The following COL4A2 variants were observed in gnomAD, a reference collection of about 807,000 sequenced individuals.
The protein encoded by COL4A2 is collagen type IV alpha 2 chain, also known as collagen alpha-2(IV) chain.
COL4A2 carries 99 observed loss-of-function variants against 200.2 expected under a neutral mutation model. That is an observed-to-expected ratio of 0.49 (90% CI 0.42 to 0.58). The LOEUF is 0.58. Ranked by LOEUF, COL4A2 falls within the 20% of genes least tolerant of loss-of-function variation. COL4A2 has a pLI of 0.00. For missense variants in COL4A2, 1,950 were observed against 2,314.1 expected (o/e 0.84, Z 3.23); for synonymous variants, 897 against 900.6 (o/e 1.00, Z 0.07).
intron 4 of COL4A2, among the ~76,000 whole-genome samples, chr13:110,360,500 A>G (rs1333870746): frequency 6.6e-6 from 1 of 152,226 alleles, no homozygotes; most frequent in Non-Finnish European, 1.5e-5. Flanking sequence ...GGGATTTCTA[A>G]GGATCCCCAA....
chr13:110,489,902 A>G (rs1883230114), intron 36 of COL4A2, 117 bp downstream of exon 36: 2 of 1,070,916 alleles, frequency 1.9e-6, no homozygotes, highest in Non-Finnish European at 2.7e-6. Flanking sequence ...TTGATAGTGA[A>G]TGAGGTCTTC....
chr13:110,451,170 C>A (rs1385734978), intron 20 of COL4A2, among the ~76,000 whole-genome samples: 11 of 152,146 alleles, frequency 7.2e-5, no homozygotes, highest in Admixed American at 7.2e-4. Flanking sequence ...AATGACCTGT[C>A]TCAGGCAGCA....
intron 4 of COL4A2, among the ~76,000 whole-genome samples, chr13:110,386,781 G>T (rs955827525): frequency 6.6e-6 from 1 of 152,194 alleles, no homozygotes; most frequent in African/African-American, 2.4e-5. Context: ...AGAAGACCAT[G>T]ATGTGGGACA....
At chr13:110,408,098 G>A (rs1025358362) in intron 4 of COL4A2, among the ~76,000 whole-genome samples, 1 of 152,182 alleles carries the variant, frequency 6.6e-6, no homozygotes, top group African/African-American at 2.4e-5. Flanking sequence ...GGGGAAGAGA[G>A]CAGCAAAACT....
At chr13:110,503,802 G>C in intron 43 of COL4A2, 45 bp from the exon 44 acceptor site, 1 of 1,612,076 alleles carries the variant, frequency 6.2e-7, no homozygotes, top group Non-Finnish European at 8.5e-7. Context: ...CAAGAGAGTG[G>C]AACGACCTTG....
intron 3 of COL4A2, among the ~76,000 whole-genome samples, chr13:110,312,985 G>GA (rs2139341558): frequency 6.6e-6 from 1 of 152,296 alleles, no homozygotes; most frequent in East Asian, 1.9e-4. Context: ...GACCTGTGAG[G>GA]GTGAGCCGGG....
chr13:110,343,662 G>T lies in COL4A2; in HGVS notation c.100-13810G>T, dbSNP rs760255040. ...GATAAAGCTGCAGGCACCTGAGGCT[G>T]AGCCTGCCCGGGCAGCGCAGCGCTG... On this transcript the variant is annotated intron_variant, in intron 3 of 47. Transcript: ENST00000360467. Among the ~76,000 whole-genome samples the T allele has an allele frequency of 1.7e-3, 263 of 152,360 alleles. 1 individual carries two copies. The highest frequency in any genetic ancestry group is 3.0e-3 in the Non-Finnish European group (201 of 68,032).
chr13:110,370,365 G>A (rs1469991275), intron 4 of COL4A2, among the ~76,000 whole-genome samples: 1 of 152,050 alleles, frequency 6.6e-6, no homozygotes, highest in Admixed American at 6.5e-5. Context: ...CCGGGTTCAA[G>A]CAATTCTCCT....
intron 11 of COL4A2, among the ~76,000 whole-genome samples, chr13:110,433,131 T>C (rs11616263): frequency 0.31 from 46,440 of 152,232 alleles, 8,006 homozygotes; most frequent in African/African-American, 0.46. Flanking sequence ...TGCCCATTGC[T>C]GTGACCCCTG....
At chr13:110,412,700 C>T (rs866809217) in intron 4 of COL4A2, among the ~76,000 whole-genome samples, 1 of 152,210 alleles carries the variant, frequency 6.6e-6, no homozygotes, top group Non-Finnish European at 1.5e-5. Flanking sequence ...GGCTTATCAC[C>T]GACAGTTGTC....
At chr13:110,337,327 A>G (rs868831280) in intron 3 of COL4A2, among the ~76,000 whole-genome samples, 2 of 152,216 alleles carry the variant, frequency 1.3e-5, no homozygotes, top group African/African-American at 2.4e-5. Context: ...CATAAACGTA[A>G]GATTTAAAAT....
chr13:110,438,558 C>T (rs1259023993), intron 14 of COL4A2, 60 bp from the exon 15 acceptor site: 9 of 1,599,014 alleles, frequency 5.6e-6, no homozygotes, highest in Non-Finnish European at 7.7e-6. Context: ...ACACGTGGGC[C>T]CTGTTGGCTG....
At chr13:110,479,609 A>C (rs1882825121) in intron 30 of COL4A2, among the ~76,000 whole-genome samples, 1 of 152,200 alleles carries the variant, frequency 6.6e-6, no homozygotes, top group African/African-American at 2.4e-5. Context: ...TGGAGCCCCG[A>C]GGCAGAGGGG....
chr13:110,341,627 G>C (rs1876457330), intron 3 of COL4A2, among the ~76,000 whole-genome samples: 1 of 152,240 alleles, frequency 6.6e-6, no homozygotes, highest in Non-Finnish European at 1.5e-5. Flanking sequence ...CAGAGCAGGA[G>C]CCTTCCTTAG....
At chr13:110,450,006 G>A (rs1881477253) in intron 19 of COL4A2, among the ~76,000 whole-genome samples, 1 of 152,248 alleles carries the variant, frequency 6.6e-6, no homozygotes, top group Non-Finnish European at 1.5e-5. Context: ...AGGTTAGATG[G>A]TGCCACGATG....
intron 16 of COL4A2, among the ~76,000 whole-genome samples, chr13:110,443,570 G>A (rs1187258612): frequency 6.6e-6 from 1 of 152,220 alleles, no homozygotes; most frequent in African/African-American, 2.4e-5. Flanking sequence ...TCAAATGAGT[G>A]ATAAGTTATT....
rs111233547 is a variant in COL4A2, at chr13:110,445,121, G to A, written c.958-708G>A. On this transcript the variant is annotated intron_variant, in intron 16 of 47. Transcript: ENST00000360467. ...CCACCTTGGCTTCCCGAAGTGCTGG[G>A]ATTACAGGCATGAGCCACCATACCC... Among the ~76,000 whole-genome samples the A allele has an allele frequency of 7.0e-3, 1,065 of 152,300 alleles. 9 individuals carry two copies. The highest frequency in any genetic ancestry group is 0.022 in the African/African-American group (913 of 41,556).
chr13:110,312,886 T>A, intron 3 of COL4A2, among the ~76,000 whole-genome samples: 1 of 152,150 alleles, frequency 6.6e-6, no homozygotes, highest in South Asian at 2.1e-4. Flanking sequence ...TGGAAGAGAA[T>A]GTTGTGTGGA....
chr13:110,324,886 G>C (rs1472887429), intron 3 of COL4A2, among the ~76,000 whole-genome samples: 1 of 152,200 alleles, frequency 6.6e-6, no homozygotes, highest in Non-Finnish European at 1.5e-5. Flanking sequence ...AATTGGGTGA[G>C]GGAAAGATAA....
Sources: gnomAD v4.1 joint callset for allele counts (sites outside exome capture counted in the v4.1 genomes callset) on GRCh38, gnomAD v4.1.1 for gene constraint, MANE v1.5 for transcripts, NCBI Gene and HGNC (gene_info 2026-07-23, HGNC 2026-07-21) for gene names.